ZMIZ1: variants seen among roughly 807,000 people sequenced by gnomAD.
ZMIZ1 encodes zinc finger MIZ-type containing 1.
ZMIZ1 carries 17 observed loss-of-function variants against 113.9 expected under a neutral mutation model. The observed-to-expected ratio is 0.15, with a 90% confidence interval of 0.10 to 0.22. The LOEUF (loss-of-function observed/expected upper bound fraction) is 0.22. Among genes scored for constraint, ZMIZ1 ranks in the 10% least tolerant of loss-of-function variants. The probability of loss-of-function intolerance (pLI) is 1.00; values close to 1 mark genes in which losing one functional copy is unlikely to be tolerated. For synonymous variants in ZMIZ1, 607 were observed against 603.1 expected (o/e 1.01, Z -0.09); for missense variants, 1,059 against 1,477.8 (o/e 0.72, Z 4.65).
chr10:79,089,374 C>G (rs1225862249), intron 1 of ZMIZ1, among the ~76,000 whole-genome samples: 1 of 152,260 alleles, frequency 6.6e-6, no homozygotes, highest in Non-Finnish European at 1.5e-5. Flanking sequence ...GCTCCCCATC[C>G]ATCCGGCTCA....
chr10:79,310,813 G>A (rs1172481607), intron 23 of ZMIZ1, 111 bp from the exon 24 acceptor site: 13 of 1,295,940 alleles, frequency 1.0e-5, no homozygotes, highest in African/African-American at 4.5e-5. Context: ...GGGTGGCCAC[G>A]TTTCGGGGGT....
At chr10:79,161,896 G>T (rs1461897555) in intron 3 of ZMIZ1, among the ~76,000 whole-genome samples, 157 bp from the exon 4 acceptor site, 1 of 152,212 alleles carries the variant, frequency 6.6e-6, no homozygotes, top group Non-Finnish European at 1.5e-5. Flanking sequence ...CAGGTGTGGG[G>T]AGTCAGGGGC....
At chr10:79,176,850 C>T (rs1846890536) in intron 4 of ZMIZ1, among the ~76,000 whole-genome samples, 1 of 152,216 alleles carries the variant, frequency 6.6e-6, no homozygotes, top group Non-Finnish European at 1.5e-5. Context: ...CTGTGGGCCT[C>T]AGTTTCCCCA....
chr10:79,289,727 G>T lies in ZMIZ1; in HGVS notation c.426-48G>T, dbSNP rs747295994. 1.4e-5 allele frequency: 22 copies of T among 1,558,582 alleles called. No homozygotes were observed. The South Asian group carries it at 2.4e-4, about 17-fold the overall frequency. ...GGGTGATGGGCATGGCCTGTCTTGA[G>T]TCTGTGCCTGCCAGGCCCTGAAGAT... On this transcript the variant is annotated intron_variant, in intron 8 of 24. Coordinates refer to ENST00000334512, the MANE Select transcript of ZMIZ1 (RefSeq NM_020338.4).
At chr10:79,287,826 T>G (rs867063398) in intron 8 of ZMIZ1, among the ~76,000 whole-genome samples, 1 of 152,164 alleles carries the variant, frequency 6.6e-6, no homozygotes, top group Non-Finnish European at 1.5e-5. Flanking sequence ...TGAGGAAACT[T>G]GCACCAGGGT....
intron 21 of ZMIZ1, 25 bp downstream of exon 21, chr10:79,305,626 A>C: frequency 3.0e-6 from 3 of 1,015,922 alleles, no homozygotes; most frequent in Non-Finnish European, 4.5e-6. Context: ...AGCGAGGGGC[A>C]GGGGGTGGGA....
Position 79,122,674 on chromosome 10 carries a change from G to A in ZMIZ1, c.-227+3650G>A, listed in dbSNP as rs150571272. Among the ~76,000 whole-genome samples the A allele has an allele frequency of 8.7e-4, 133 of 152,222 alleles. 1 individual carries two copies. The highest frequency in any genetic ancestry group is 2.9e-3 in the African/African-American group (121 of 41,528). On this transcript the variant is annotated intron_variant, in intron 2 of 24. Transcript: ENST00000334512. ...CACTATAGAGTTCTCTACAGTGTGCGAAGTCCTTTCACACCCATCACACCC... is the reference window on the plus strand; with the variant it reads ...CACTATAGAGTTCTCTACAGTGTGCAAAGTCCTTTCACACCCATCACACCC...
chr10:79,250,653 G>A (rs746922471), intron 7 of ZMIZ1, among the ~76,000 whole-genome samples: 8 of 152,236 alleles, frequency 5.3e-5, no homozygotes, highest in Admixed American at 1.3e-4. Context: ...TAGTTTGTCA[G>A]GGTCTGTGAG....
At chr10:79,297,553 G>C (rs1589592803) in intron 13 of ZMIZ1, 60 bp from the exon 14 acceptor site, 7 of 1,433,620 alleles carry the variant, frequency 4.9e-6, no homozygotes, top group Non-Finnish European at 6.9e-6. Context: ...TCCAGAGGGA[G>C]AGCGGGCTTC....
chr10:79,272,026 T>C (rs979128436), intron 7 of ZMIZ1, among the ~76,000 whole-genome samples: 5 of 152,284 alleles, frequency 3.3e-5, no homozygotes, highest in Non-Finnish European at 7.4e-5. Context: ...CCAAGTACTT[T>C]GGGAGGCCGA....
intron 7 of ZMIZ1, among the ~76,000 whole-genome samples, chr10:79,272,134 A>C (rs375709165): frequency 6.6e-6 from 1 of 152,104 alleles, no homozygotes; most frequent in East Asian, 1.9e-4. Flanking sequence ...CACACACACA[A>C]AATTAGCCAG....
intron 2 of ZMIZ1, among the ~76,000 whole-genome samples, chr10:79,123,743 G>A (rs1293308269): frequency 6.6e-6 from 1 of 152,200 alleles, no homozygotes; most frequent in Non-Finnish European, 1.5e-5. Context: ...GTGGCTTTAG[G>A]CTGCCGGCAT....
chr10:79,197,363 G>C (rs1847872280), intron 4 of ZMIZ1, among the ~76,000 whole-genome samples: 1 of 152,184 alleles, frequency 6.6e-6, no homozygotes. Flanking sequence ...CCTGGCACCA[G>C]GAACTGAGAT....
chr10:79,097,603 A>G (rs1843215747), intron 1 of ZMIZ1, among the ~76,000 whole-genome samples: 1 of 152,322 alleles, frequency 6.6e-6, no homozygotes, highest in East Asian at 1.9e-4. Context: ...TGCATCATTA[A>G]TGTTGGTAAT....
chr10:79,255,182 G>A (rs1350598706), intron 7 of ZMIZ1, among the ~76,000 whole-genome samples: 3 of 152,236 alleles, frequency 2.0e-5, no homozygotes, highest in African/African-American at 4.8e-5. Context: ...CTGAGCTCAC[G>A]ACACTGCCCT....
chr10:79,305,328 C>G, intron 20 of ZMIZ1, 97 bp downstream of exon 20: 2 of 1,437,350 alleles, frequency 1.4e-6, no homozygotes, highest in Non-Finnish European at 2.0e-6. Flanking sequence ...TAAATGCAAA[C>G]CAGAACCCAA....
chr10:79,311,246 G>A, intron 24 of ZMIZ1, 62 bp downstream of exon 24: 1 of 1,303,832 alleles, frequency 7.7e-7, no homozygotes, highest in Non-Finnish European at 1.0e-6. Context: ...ACCTGCCCGA[G>A]AGAAGGGGTG....
chr10:79,265,717 G>T (rs1446189005), intron 7 of ZMIZ1, among the ~76,000 whole-genome samples: 2 of 152,032 alleles, frequency 1.3e-5, no homozygotes, highest in Non-Finnish European at 2.9e-5. Flanking sequence ...CAATGCCCCA[G>T]AAGTGATGTT....
intron 7 of ZMIZ1, among the ~76,000 whole-genome samples, chr10:79,252,279 G>C (rs1484859646): frequency 1.3e-5 from 2 of 150,698 alleles, no homozygotes; most frequent in Non-Finnish European, 3.0e-5. Context: ...TCCTCTCAGA[G>C]CTTTACATGG....
Sources: allele counts gnomAD v4.1 joint callset (sites outside exome capture counted in the v4.1 genomes callset), GRCh38; gene constraint gnomAD v4.1.1; transcripts MANE v1.5; gene names NCBI Gene and HGNC (gene_info 2026-07-23, HGNC 2026-07-21).